The following MYH8 variants were observed in gnomAD, a reference collection of about 807,000 sequenced individuals.
MYH8 encodes the protein myosin heavy chain 8.
A neutral mutation model predicts 233.2 loss-of-function variants in MYH8; 168 were observed. That is an observed-to-expected ratio of 0.72 (90% CI 0.64 to 0.82). The LOEUF is 0.82. Among genes scored for constraint, MYH8 ranks in the 40% least tolerant of loss-of-function variants. The pLI is 0.00. For missense variants in MYH8, 1,995 were observed against 2,327.8 expected, an observed-to-expected ratio of 0.86 and a Z score of 2.94; for synonymous variants, 785 against 850.6, an observed-to-expected ratio of 0.92 and a Z score of 1.34.
At chr17:10,392,498 T>C (rs1489800325) in intron 38 of MYH8, 44 bp downstream of exon 38, 1 of 1,539,208 alleles carries the variant, frequency 6.5e-7, no homozygotes, top group African/African-American at 1.4e-5. Flanking sequence ...TCAATTTCCT[T>C]CTGGGCAGGA....
intron 38 of MYH8, among the ~76,000 whole-genome samples, chr17:10,392,335 T>C (rs1202387335): frequency 6.6e-6 from 1 of 152,236 alleles, no homozygotes; most frequent in Non-Finnish European, 1.5e-5. Context: ...CTGTGTTCTT[T>C]ACTGTCATGC....
Position 10,415,037 on chromosome 17 carries a change from A to C in MYH8, c.805+79T>G. The C allele has an allele frequency of 1.5e-6, 2 of 1,355,900 alleles. No individual in the cohort carries two copies. Among genetic ancestry groups the C allele is most frequent in the South Asian group, 1.2e-5 (1 of 85,818 alleles). The allele number at this position is 1,355,900 out of a possible 1,614,324, so 84.0% of individuals were successfully genotyped here. A position where few individuals can be genotyped will look rare whatever the true frequency, so the allele number is the denominator to read the frequency against. ...ACTACCCTTTTAACAGGCTTCATGC[A>C]CAGCAAGGGTGGCAAAATATCCCTG... On this transcript the variant is annotated intron_variant, in intron 9 of 39. Coordinates refer to ENST00000403437, the MANE Select transcript of MYH8 (RefSeq NM_002472.3). The surrounding 1 kb of genome is among the most constrained non-coding windows in gnomAD (Gnocchi z 4.1).
In MYH8 at chr17:10,401,151, T is replaced by C; in HGVS notation, c.3149A>G (p.Asp1050Gly). Reference sequence around the variant, plus strand: ...CAGTTTCCGCTTTGCTCTTTCTAGATCCATTCGAAGCTTCTTTTCTTGTTC... The same window carrying C: ...CAGTTTCCGCTTTGCTCTTTCTAGACCCATTCGAAGCTTCTTTTCTTGTTC... The part of the protein sequence containing the change: ...SLEQEKKLRM[D>G]LERAKRKLEG... Residue 1050 changes from aspartate to glycine, a missense_variant, in exon 25 of 40, where the codon GAT becomes GGT. This residue lies in a region of MYH8 where 1,498 missense variants were observed against 1,680.9 expected (regional missense o/e 0.89). Coordinates refer to ENST00000403437, the MANE Select transcript of MYH8 (RefSeq NM_002472.3). 1 of 1,613,952 alleles carries C rather than the reference T, an allele frequency of 6.2e-7. No individual in the cohort carries two copies. The highest frequency in any genetic ancestry group is 1.6e-4 in the Middle Eastern group (1 of 6,062).
At position 10,419,918 on chromosome 17, in the gene MYH8, G is replaced by T; in HGVS notation, c.210+100C>A. 1 of 1,272,746 alleles carries T rather than the reference G, an allele frequency of 7.9e-7. No homozygotes were observed. The highest frequency in any genetic ancestry group is 1.1e-6 in the Non-Finnish European group (1 of 873,378). The allele number at this position is 1,272,746 out of a possible 1,614,324, so 78.8% of individuals were successfully genotyped here. ...ATGTCTCAACACTGACTAGAAGGGT[G>T]TTTGCATTGGCAACAGGCTTGGAGA... On this transcript the variant is annotated intron_variant, in intron 3 of 39. Coordinates refer to ENST00000403437, the MANE Select transcript of MYH8 (RefSeq NM_002472.3). The surrounding 1 kb of genome is among the most constrained non-coding windows in gnomAD (Gnocchi z 4.0).
rs757966246 is a variant in MYH8 at position 10,396,614 on chromosome 17, A to C, written c.4467T>G (p.Asn1489Lys). 5.6e-6 allele frequency: 9 copies of C among 1,614,198 alleles called. No homozygotes were observed. In the East Asian group the frequency reaches 1.3e-4, roughly 24 times the overall value. The change falls in exon 32 of 40, where the codon AAT becomes AAG. Residue 1489 changes from asparagine to lysine, a missense_variant. Asn to Lys is a moderately conservative substitution (Grantham distance 94, BLOSUM62 0). Transcript: ENST00000403437. This position sits in a 1 kb window ranked among gnomAD's most constrained non-coding sequence, Gnocchi z 4.2. ...GTTGATCCAGGGATTCCTCATAGAC[A>C]TTCTTCACCTTGAACAGCTCAGTGC... ...SLSTELFKVKNVYEESLDQLE... is the reference protein window; with the variant it reads ...SLSTELFKVKKVYEESLDQLE...
At position 10,396,721 on chromosome 17, in the gene MYH8, G is replaced by A. The variant is rs1344246402; in HGVS notation, c.4363-3C>T. On this transcript the variant is annotated splice_region_variant and splice_polypyrimidine_tract_variant and intron_variant, in intron 31 of 39. Coordinates refer to ENST00000403437, the MANE Select transcript of MYH8 (RefSeq NM_002472.3). This position sits in a 1 kb window ranked among gnomAD's most constrained non-coding sequence, Gnocchi z 4.2. ...TTCTGCTTCCATTCTGATAGGACCT[G>A]AAAAGCAATAAATCATGAGTTGATC... The A allele has an allele frequency of 2.5e-5, 41 of 1,614,028 alleles. No homozygotes were observed. The highest frequency in any genetic ancestry group is 3.2e-5 in the Non-Finnish European group (38 of 1,180,046).
Position 10,396,229 on chromosome 17 carries a change from C to T in MYH8, c.4653+101G>A. The T allele has an allele frequency of 7.2e-7, 1 of 1,395,932 alleles. No individual in the cohort carries two copies. The highest frequency in any genetic ancestry group is 9.9e-7 in the Non-Finnish European group (1 of 1,007,620). The allele number at this position is 1,395,932 out of a possible 1,614,324, so 86.5% of individuals were successfully genotyped here. ...TTTTGATAACTATTGCCAAGTTGTCCTTCATAAAGATCCTGTGAGTTTAAA... is the reference window on the plus strand; with the variant it reads ...TTTTGATAACTATTGCCAAGTTGTCTTTCATAAAGATCCTGTGAGTTTAAA... On this transcript the variant is annotated intron_variant, in intron 33 of 39. Coordinates refer to ENST00000403437, the MANE Select transcript of MYH8 (RefSeq NM_002472.3). This position sits in a 1 kb window ranked among gnomAD's most constrained non-coding sequence, Gnocchi z 4.2.
intron 12 of MYH8, among the ~76,000 whole-genome samples, chr17:10,413,656 T>TCTC (rs2072264178): frequency 2.6e-5 from 4 of 152,194 alleles, no homozygotes; most frequent in Non-Finnish European, 5.9e-5. Context: ...TATCTCATTC[T>TCTC]ATCTCATAGT....
chr17:10,415,502 C>T lies in MYH8; in HGVS notation c.618G>A (p.Glu206=). ...QYFATIAVTG[E]KKKDESGKMQ... is the part of the protein sequence containing the mutation. ...TTTTGCCAGATTCATCCTTCTTCTTCTCTCCAGTAACTGCAATTGTTGCAA... is the reference window on the plus strand; with the variant it reads ...TTTTGCCAGATTCATCCTTCTTCTTTTCTCCAGTAACTGCAATTGTTGCAA... The change falls in exon 7 of 40, where the codon GAG becomes GAA. Residue 206 remains glutamate, a synonymous_variant. Coordinates refer to ENST00000403437, the MANE Select transcript of MYH8 (RefSeq NM_002472.3). This position sits in a 1 kb window ranked among gnomAD's most constrained non-coding sequence, Gnocchi z 4.1. 1 of 1,614,228 alleles carries T rather than the reference C, an allele frequency of 6.2e-7. No individual in the cohort carries two copies. The highest frequency in any genetic ancestry group is 1.1e-5 in the South Asian group (1 of 91,088).
Position 10,419,921 on chromosome 17 carries a change from T to C in MYH8, c.210+97A>G, listed in dbSNP as rs373159096. The C allele has an allele frequency of 1.3e-3, 1,716 of 1,310,178 alleles. 36 individuals carry two copies. In the South Asian group the frequency reaches 0.018, roughly 14 times the overall value. The allele number at this position is 1,310,178 out of a possible 1,614,324, so 81.2% of individuals were successfully genotyped here. ...TCTCAACACTGACTAGAAGGGTGTT[T>C]GCATTGGCAACAGGCTTGGAGATTC... On this transcript the variant is annotated intron_variant, in intron 3 of 39. Transcript: ENST00000403437. This position sits in a 1 kb window ranked among gnomAD's most constrained non-coding sequence, Gnocchi z 4.0.
rs1555555758 is a variant in MYH8, at chr17:10,398,994, G to GTGTGTATATA, written c.3863-109_3863-108insTATATACACA. ...TATATATATGTATATATGTGTGTGT[G>GTGTGTATATA]TATATATATATATATATATATATAC... On this transcript the variant is annotated intron_variant, in intron 28 of 39. Transcript: ENST00000403437. 130 of 312,716 alleles carry GTGTGTATATA rather than the reference G, an allele frequency of 4.2e-4. 1 individual carries two copies. Among genetic ancestry groups the GTGTGTATATA allele is most frequent in the African/African-American group, 2.9e-3 (121 of 42,250 alleles). 19.4% of individuals were successfully genotyped at this position (312,716 alleles called of 1,614,324 possible).
rs80168976 is a variant in MYH8, at chr17:10,404,366, T to C, written c.2652A>G (p.Leu884=). 1,655 of 1,614,042 alleles carry C rather than the reference T, an allele frequency of 1.0e-3. 17 individuals carry two copies. The African/African-American group carries it at 0.02, about 19-fold the overall frequency. ...GGAGTTGCAGGTCATTTTTCTCTTT[T>C]AAGAGAGTGACCATTTTTTCCTCTA... ...KELEEKMVTL[L]KEKNDLQLQV... The change falls in exon 22 of 40, where the codon TTA becomes TTG. Residue 884 remains leucine, a synonymous_variant. Transcript: ENST00000403437.
At position 10,396,745 on chromosome 17, in the gene MYH8, T is replaced by A. The variant is rs1249062606; in HGVS notation, c.4363-27A>T. On this transcript the variant is annotated intron_variant, in intron 31 of 39. Transcript: ENST00000403437. The surrounding 1 kb of genome is among the most constrained non-coding windows in gnomAD (Gnocchi z 4.2). ...TGAAAAGCAATAAATCATGAGTTGA[T>A]CCAAGGAGAAAGGAAGACCGAGTAA... 1.9e-6 allele frequency: 3 copies of A among 1,614,172 alleles called. No homozygotes were observed. The highest frequency in any genetic ancestry group is 1.7e-6 in the Non-Finnish European group (2 of 1,180,042).
Position 10,411,664 on chromosome 17 carries a change from T to C in MYH8, c.1416+706A>G, listed in dbSNP as rs551286395. On this transcript the variant is annotated intron_variant, in intron 14 of 39. Coordinates refer to ENST00000403437, the MANE Select transcript of MYH8 (RefSeq NM_002472.3). ...CACATTTTCACCTTTGGCTGTTACATTATTAAGGAAAGCTGATCTTAAGAC... is the reference window on the plus strand; with the variant it reads ...CACATTTTCACCTTTGGCTGTTACACTATTAAGGAAAGCTGATCTTAAGAC... Among the ~76,000 whole-genome samples, 5 of 152,322 alleles carry C rather than the reference T, an allele frequency of 3.3e-5. No individual in the cohort carries two copies. The South Asian group carries it at 1.0e-3, about 32-fold the overall frequency.
chr17:10,420,873 G>A (rs2072333055), intron 2 of MYH8, among the ~76,000 whole-genome samples: 1 of 152,074 alleles, frequency 6.6e-6, no homozygotes, highest in African/African-American at 2.4e-5. Context: ...GCATTGCCTT[G>A]ATTCCAAAAT....
rs1480094123 is a variant in MYH8 at position 10,392,832 on chromosome 17, C to T, written c.5462G>A (p.Arg1821Lys). The part of the protein sequence containing the change: ...GKKQIQKLEA[R>K]VRELEGEVEN... ...ATTTAGAGAGATTGAGACACCCACC[C>T]TGGCCTCCAGTTTCTGGATCTGCTT... Residue 1821 changes from arginine to lysine, a missense_variant and splice_region_variant, in exon 37 of 40, where the codon AGG (arginine) becomes AAG (lysine). Around this residue, in one of 3 missense-constraint regions of MYH8, gnomAD observed 1,498 missense variants for 1,680.9 expected, o/e 0.89. Transcript: ENST00000403437. 5.6e-6 allele frequency: 9 copies of T among 1,614,058 alleles called. No individual in the cohort carries two copies. The highest frequency in any genetic ancestry group is 5.0e-5 in the Admixed American group (3 of 60,008).
intron 14 of MYH8, 125 bp downstream of exon 14, chr17:10,412,245 C>A: frequency 1.3e-6 from 2 of 1,583,140 alleles, no homozygotes; most frequent in South Asian, 2.2e-5. Flanking sequence ...TGGAGATAAC[C>A]TTTGTTCTAG....
In MYH8 at chr17:10,418,936, G is replaced by C. The variant is rs917034420; in HGVS notation, c.305C>G (p.Pro102Arg). ...CTCTTTGAGGTTGTACAGCACTCCA[G>C]GCTCGTGTAGATGAGTCATCATGGC... Reference protein sequence around the residue: ...DMAMMTHLHEPGVLYNLKERY... With the variant: ...DMAMMTHLHERGVLYNLKERY... The change falls in exon 4 of 40, where the codon CCT becomes CGT. Residue 102 changes from proline to arginine, a missense_variant. Physicochemically the swap from Pro to Arg is moderately radical, Grantham distance 103. Coordinates refer to ENST00000403437, the MANE Select transcript of MYH8 (RefSeq NM_002472.3). 2.5e-6 allele frequency: 4 copies of C among 1,614,208 alleles called. No individual in the cohort carries two copies. Among genetic ancestry groups the C allele is most frequent in the Admixed American group, 1.7e-5 (1 of 60,034 alleles).
At position 10,415,813 on chromosome 17, in the gene MYH8, A is replaced by G. The variant is rs2072285651; in HGVS notation, c.512-105T>C. 7.6e-7 allele frequency: 1 copy of G among 1,321,784 alleles called. No individual in the cohort carries two copies. Among genetic ancestry groups the G allele is most frequent in the African/African-American group, 1.5e-5 (1 of 68,126 alleles). 81.9% of individuals were successfully genotyped at this position (1,321,784 alleles called of 1,614,324 possible). On this transcript the variant is annotated intron_variant, in intron 5 of 39. Transcript: ENST00000403437. The surrounding 1 kb of genome is among the most constrained non-coding windows in gnomAD (Gnocchi z 4.1). The stretch of plus-strand genomic sequence containing the variant: ...GCTTGTTCTTTTTAACTTTTTGAAG[A>G]TGTCACCTTTGGTTTTGATTTTGTG...
Sources: gnomAD v4.1 joint callset for allele counts (sites outside exome capture counted in the v4.1 genomes callset) on GRCh38, gnomAD v4.1.1 for gene constraint, gnomAD v4.1.1 regional missense constraint, Gnocchi (gnomAD v3.1) non-coding constraint, MANE v1.5 for transcripts, NCBI Gene and HGNC (gene_info 2026-07-23, HGNC 2026-07-21) for gene names.